The following FBXL7 variants were observed in gnomAD, a reference collection of about 807,000 sequenced individuals.
FBXL7 encodes F-box and leucine rich repeat protein 7.
FBXL7 carries 12 observed loss-of-function variants against 38.3 expected under a neutral mutation model. That is an observed-to-expected ratio of 0.31 (90% CI 0.20 to 0.51). The LOEUF is 0.51. FBXL7 is among the 20% of genes least tolerant of loss of function. FBXL7 has a pLI of 0.98. For missense variants in FBXL7, 567 were observed against 676.4 expected (o/e 0.84, Z 1.79); for synonymous variants, 297 against 300.9 (o/e 0.99, Z 0.13).
intron 2 of FBXL7, among the ~76,000 whole-genome samples, chr5:15,732,531 A>G (rs772348059): frequency 6.6e-6 from 1 of 152,186 alleles, no homozygotes; most frequent in Non-Finnish European, 1.5e-5. Context: ...AAACTCCAGC[A>G]TGTGGGATGC....
rs773852697 is a variant in FBXL7, at chr5:15,936,595, G to A, written c.885G>A (p.Ala295=). The A allele has an allele frequency of 1.9e-6, 3 of 1,611,162 alleles. No individual in the cohort carries two copies. The highest frequency in any genetic ancestry group is 1.6e-4 in the Middle Eastern group (1 of 6,062). Residue 295 remains alanine (A), a synonymous_variant, in exon 4 of 4, where the codon GCG becomes GCA. Transcript: ENST00000504595. This position sits in a 1 kb window ranked among gnomAD's most constrained non-coding sequence, Gnocchi z 6.0. ...LEDEGLHTIA[A]HCTQLTHLYL... is the part of the protein sequence containing the mutation. Reference sequence around the variant, plus strand: ...ACGAAGGCCTGCACACCATCGCGGCGCACTGCACGCAGCTCACCCACCTCT... The same window carrying A: ...ACGAAGGCCTGCACACCATCGCGGCACACTGCACGCAGCTCACCCACCTCT...
chr5:15,674,478 G>C (rs1742586413), intron 2 of FBXL7, among the ~76,000 whole-genome samples: 1 of 152,182 alleles, frequency 6.6e-6, no homozygotes, highest in South Asian at 2.1e-4. Context: ...TAACATAGCA[G>C]ATCCAACCAG....
In FBXL7 at chr5:15,788,483, T is replaced by C. The variant is rs188519482; in HGVS notation, c.128-139407T>C. 1.7e-3 allele frequency among the ~76,000 whole-genome samples: 266 copies of C among 152,164 alleles called. 2 individuals carry two copies. The highest frequency in any genetic ancestry group is 5.7e-3 in the African/African-American group (238 of 41,512). On this transcript the variant is annotated intron_variant, in intron 2 of 3. Transcript: ENST00000504595. The stretch of plus-strand genomic sequence containing the variant: ...GGAATTGGGAAAGAGAAAAGAAGCA[T>C]CTCAAATTTTGCTGGGAGATATAAA...
At position 15,574,159 on chromosome 5, in the gene FBXL7, T is replaced by C. The variant is rs191362562; in HGVS notation, c.38-41824T>C. Among the ~76,000 whole-genome samples, 13 of 152,316 alleles carry C rather than the reference T, an allele frequency of 8.5e-5. No individual in the cohort carries two copies. The East Asian group carries it at 2.5e-3, about 29-fold the overall frequency. Reference sequence around the variant, plus strand: ...GCTCTTACAGGTGCAAAATCTGTAATAATATATGTTTTCTAAAATTCAGAA... The same window carrying C: ...GCTCTTACAGGTGCAAAATCTGTAACAATATATGTTTTCTAAAATTCAGAA... On this transcript the variant is annotated intron_variant, in intron 1 of 3. Coordinates refer to ENST00000504595, the MANE Select transcript of FBXL7 (RefSeq NM_012304.5).
At chr5:15,538,282 T>A (rs1737644394) in intron 1 of FBXL7, among the ~76,000 whole-genome samples, 1 of 152,146 alleles carries the variant, frequency 6.6e-6, no homozygotes, top group African/African-American at 2.4e-5. Context: ...CAGGAAAAAA[T>A]TCCTGATCCC....
chr5:15,888,172 G>C (rs1183784724), intron 2 of FBXL7, among the ~76,000 whole-genome samples: 2 of 151,970 alleles, frequency 1.3e-5, no homozygotes, highest in Non-Finnish European at 2.9e-5. Flanking sequence ...TGAACTGATT[G>C]TTATGATCCC....
At chr5:15,749,031 G>A (rs1167419195) in intron 2 of FBXL7, among the ~76,000 whole-genome samples, 1 of 151,854 alleles carries the variant, frequency 6.6e-6, no homozygotes, top group African/African-American at 2.4e-5. Flanking sequence ...GATTACCTGA[G>A]GTCAGGAGTT....
At chr5:15,933,996 C>T (rs573263207) in intron 3 of FBXL7, among the ~76,000 whole-genome samples, 23 of 151,304 alleles carry the variant, frequency 1.5e-4, no homozygotes, top group African/African-American at 5.2e-4. Context: ...AAAGTAATTG[C>T]GGTTTTTGTC....
intron 2 of FBXL7, among the ~76,000 whole-genome samples, chr5:15,699,387 A>G (rs995162955): frequency 6.6e-6 from 1 of 152,046 alleles, no homozygotes; most frequent in African/African-American, 2.4e-5. Context: ...AACCCTTTGC[A>G]TTCCCAGCTT....
chr5:15,614,269 CTTTTCT>C (rs1289812580), intron 1 of FBXL7, among the ~76,000 whole-genome samples: 7 of 147,500 alleles, frequency 4.7e-5, no homozygotes, highest in East Asian at 3.9e-4. Flanking sequence ...CTTTTCTTTT[CTTTTCT>C]TTTTTTTTTT....
intron 1 of FBXL7, among the ~76,000 whole-genome samples, chr5:15,588,356 T>C (rs1739361925): frequency 6.6e-6 from 1 of 152,050 alleles, no homozygotes; most frequent in African/African-American, 2.4e-5. Context: ...ACAGAGAAAC[T>C]GTGGCACATG....
chr5:15,841,429 G>GA (rs1328787420), intron 2 of FBXL7, among the ~76,000 whole-genome samples: 14 of 151,956 alleles, frequency 9.2e-5, no homozygotes, highest in African/African-American at 3.4e-4. Flanking sequence ...AACATAAATA[G>GA]AAAAAAATGA....
rs189547992 is a variant in FBXL7, at chr5:15,628,412, A to G, written c.127+12340A>G. 2.4e-3 allele frequency among the ~76,000 whole-genome samples: 370 copies of G among 152,292 alleles called. 2 individuals carry two copies. The highest frequency in any genetic ancestry group is 8.5e-3 in the African/African-American group (355 of 41,574). On this transcript the variant is annotated intron_variant, in intron 2 of 3. Coordinates refer to ENST00000504595, the MANE Select transcript of FBXL7 (RefSeq NM_012304.5). The stretch of plus-strand genomic sequence containing the variant: ...AAGATGTTTCCAGTATCTTGAGGGT[A>G]GTGGCCCATAAGGTGACATGTTCCT...
chr5:15,645,514 G>A (rs932554569), intron 2 of FBXL7, among the ~76,000 whole-genome samples: 3 of 152,130 alleles, frequency 2.0e-5, no homozygotes, highest in Admixed American at 6.5e-5. Context: ...TACGTTTCTT[G>A]ATTGATATTT....
intron 1 of FBXL7, among the ~76,000 whole-genome samples, chr5:15,606,317 T>C (rs911514772): frequency 6.6e-6 from 1 of 152,122 alleles, no homozygotes; most frequent in Non-Finnish European, 1.5e-5. Context: ...ACAATGTACA[T>C]GTATGCGTGT....
chr5:15,569,768 A>G (rs1251004913), intron 1 of FBXL7, among the ~76,000 whole-genome samples: 1 of 152,216 alleles, frequency 6.6e-6, no homozygotes, highest in Non-Finnish European at 1.5e-5. Context: ...TGTCCCATCA[A>G]TACCTAATTT....
At chr5:15,772,729 A>G (rs1001259670) in intron 2 of FBXL7, among the ~76,000 whole-genome samples, 1 of 152,158 alleles carries the variant, frequency 6.6e-6, no homozygotes, top group African/African-American at 2.4e-5. Context: ...TGGAGGGAAG[A>G]GCTAATTTTC....
At chr5:15,588,458 G>T (rs917876456) in intron 1 of FBXL7, among the ~76,000 whole-genome samples, 1 of 151,178 alleles carries the variant, frequency 6.6e-6, no homozygotes, top group African/African-American at 2.4e-5. Context: ...ACGATCTCGG[G>T]TCACTGCAAC....
chr5:15,610,495 G>A (rs1740196205), intron 1 of FBXL7, among the ~76,000 whole-genome samples: 1 of 152,154 alleles, frequency 6.6e-6, no homozygotes, highest in Admixed American at 6.5e-5. Flanking sequence ...AGCTTGACTT[G>A]CAAGAATGTC....
Sources: gnomAD v4.1 joint callset for allele counts (sites outside exome capture counted in the v4.1 genomes callset) on GRCh38, gnomAD v4.1.1 for gene constraint, Gnocchi (gnomAD v3.1) non-coding constraint, MANE v1.5 for transcripts, NCBI Gene and HGNC (gene_info 2026-07-23, HGNC 2026-07-21) for gene names.